Variants in INTS8 observed in about 807,000 individuals in gnomAD.
The protein encoded by INTS8 is protein kaonashi-1.
INTS8 carries 47 observed loss-of-function variants against 138.9 expected under a neutral mutation model. That is an observed-to-expected ratio of 0.34 (90% confidence interval 0.27 to 0.43). The LOEUF (loss-of-function observed/expected upper bound fraction) is 0.43, where lower values mean the gene tolerates loss of function less well. INTS8 is among the 20% of genes least tolerant of loss of function. The pLI is 1.00. For synonymous variants in INTS8, 392 were observed against 400.9 expected (o/e 0.98, Z 0.27); for missense variants, 996 against 1,173.0 (o/e 0.85, Z 2.20).
intron 25 of INTS8, 55 bp from the exon 26 acceptor site, chr8:94,876,391 A>AT: frequency 7.2e-7 from 1 of 1,388,318 alleles, no homozygotes; most frequent in South Asian, 1.2e-5. Context: ...ATGAGTTGAG[A>AT]TTCTCTCATT....
Position 94,850,730 on chromosome 8 carries a change from C to T in INTS8, c.1507+639C>T, listed in dbSNP as rs147690040. 9.9e-4 allele frequency among the ~76,000 whole-genome samples: 151 copies of T among 151,800 alleles called. 1 individual carries two copies. The highest frequency in any genetic ancestry group is 3.5e-3 in the African/African-American group (145 of 41,390). ...AGAGGAGTGGTGAGAAATGCTGGGA[C>T]CAAAAAGAGGACAGATTTTCGTGCA... is the stretch of plus-strand genomic sequence containing the variant. On this transcript the variant is annotated intron_variant, in intron 12 of 26. Coordinates refer to ENST00000523731, the MANE Select transcript of INTS8 (RefSeq NM_017864.4).
chr8:94,867,513 G>A, intron 20 of INTS8, 176 bp downstream of exon 20: 1 of 512,308 alleles, frequency 2.0e-6, no homozygotes. Context: ...TGTGGATAAG[G>A]CATAACCCTT....
chr8:94,862,087 T>C (rs1485872006), intron 16 of INTS8, among the ~76,000 whole-genome samples: 1 of 151,830 alleles, frequency 6.6e-6, no homozygotes, highest in Admixed American at 6.6e-5. Flanking sequence ...ATTACAGGCA[T>C]GCACCACCAC....
intron 1 of INTS8, among the ~76,000 whole-genome samples, chr8:94,824,485 C>G (rs1351038548): frequency 6.6e-6 from 1 of 152,114 alleles, no homozygotes; most frequent in African/African-American, 2.4e-5. Flanking sequence ...GAAGCAGGTA[C>G]GGAGAGGTCA....
At chr8:94,828,730 C>T (rs112638308) in intron 4 of INTS8, among the ~76,000 whole-genome samples, 97 of 152,256 alleles carry the variant, frequency 6.4e-4, no homozygotes, top group African/African-American at 2.1e-3. Context: ...GCTGCCACTG[C>T]ACTCCAATCT....
At chr8:94,865,201 T>G (rs545054882) in intron 16 of INTS8, among the ~76,000 whole-genome samples, 4 of 150,920 alleles carry the variant, frequency 2.7e-5, no homozygotes, top group Non-Finnish European at 5.9e-5. Context: ...TAGCAACTCG[T>G]TTTTTTTTCC....
At chr8:94,844,108 G>A (rs1406299730) in intron 10 of INTS8, among the ~76,000 whole-genome samples, 2 of 150,718 alleles carry the variant, frequency 1.3e-5, no homozygotes, top group Admixed American at 6.6e-5. Context: ...GCGTGATCTC[G>A]GCTCACTGCA....
intron 16 of INTS8, among the ~76,000 whole-genome samples, chr8:94,860,930 T>G (rs1331943958): frequency 2.0e-5 from 3 of 150,030 alleles, no homozygotes; most frequent in East Asian, 2.0e-4. Flanking sequence ...AGTGGCGGGC[T>G]CCTGTAGTCC....
In INTS8 at chr8:94,881,090, T is replaced by C. The variant is rs1468508034; in HGVS notation, c.*856T>C. On this transcript the variant is annotated 3_prime_UTR_variant, in exon 27 of 27. Transcript: ENST00000523731. ...ACCATTTGTAGAAATTCAAGTTTTA[T>C]AATAGCTTGCTATAGCAGCTATAGA... 1 of 397,324 alleles carries C rather than the reference T, an allele frequency of 2.5e-6. No homozygotes were observed. The highest frequency in any genetic ancestry group is 4.4e-6 in the Non-Finnish European group (1 of 225,372). 24.6% of individuals were successfully genotyped at this position (397,324 alleles called of 1,614,324 possible).
Position 94,842,435 on chromosome 8 carries a change from T to C in INTS8, c.1207T>C (p.Phe403Leu). 6.2e-7 allele frequency: 1 copy of C among 1,605,336 alleles called. No homozygotes were observed. The change falls in exon 10 of 27, where the codon TTT (phenylalanine) becomes CTT (leucine). Residue 403 changes from phenylalanine (F) to leucine (L), a missense_variant. Phe to Leu is a conservative substitution (Grantham distance 22). Coordinates refer to ENST00000523731, the MANE Select transcript of INTS8 (RefSeq NM_017864.4). The stretch of plus-strand genomic sequence containing the variant: ...GGAAGGCAGAACAATTAGTGTTCAA[T>C]TTAACCAGCTATTTCTTAGACCAAA... ...ILEGRTISVQ[F>L]NQLFLRPNKE...
intron 16 of INTS8, among the ~76,000 whole-genome samples, chr8:94,862,409 C>T (rs1586514016): frequency 6.6e-6 from 1 of 152,338 alleles, no homozygotes; most frequent in African/African-American, 2.4e-5. Flanking sequence ...CATAGCTTGT[C>T]ACTGAGTGCA....
chr8:94,845,007 G>A (rs1815281652), intron 10 of INTS8, among the ~76,000 whole-genome samples: 1 of 151,998 alleles, frequency 6.6e-6, no homozygotes, highest in African/African-American at 2.4e-5. Context: ...ACTCACCTTG[G>A]CTTCCCAAAG....
In INTS8 at chr8:94,848,013, C is replaced by CTTTTTTTTTTTTTTTT. The variant is rs58388097; in HGVS notation, c.1261-1436_1261-1435insTTTTTTTTTTTTTTTT. On this transcript the variant is annotated intron_variant, in intron 10 of 26. Transcript: ENST00000523731. The stretch of plus-strand genomic sequence containing the variant: ...TGAACATAGCACTTTTAAAACACTG[C>CTTTTTTTTTTTTTTTT]TTTTTTTTTTTTTGAGATGGAGTCT... Among the ~76,000 whole-genome samples, 693 of 129,790 alleles carry CTTTTTTTTTTTTTTTT rather than the reference C, an allele frequency of 5.3e-3. 60 individuals carry two copies. Among genetic ancestry groups the CTTTTTTTTTTTTTTTT allele is most frequent in the African/African-American group, 0.017 (593 of 34,414 alleles). The allele number at this position is 129,790 out of a possible 152,430, so 85.1% of individuals were successfully genotyped here. A position where few individuals can be genotyped will look rare whatever the true frequency, so the allele number is the denominator to read the frequency against.
intron 8 of INTS8, among the ~76,000 whole-genome samples, chr8:94,839,908 A>G (rs1299572783): frequency 1.3e-5 from 2 of 152,112 alleles, no homozygotes; most frequent in Non-Finnish European, 2.9e-5. Context: ...AAACAAAAAA[A>G]CCCAAAAAAC....
intron 8 of INTS8, among the ~76,000 whole-genome samples, chr8:94,839,255 A>G (rs546438430): frequency 2.0e-5 from 3 of 152,254 alleles, no homozygotes; most frequent in African/African-American, 7.2e-5. Flanking sequence ...TGAGACTTTT[A>G]TTGTGCGCGC....
chr8:94,826,876 C>T (rs1814527120), intron 2 of INTS8, among the ~76,000 whole-genome samples: 1 of 152,156 alleles, frequency 6.6e-6, no homozygotes. Context: ...GAGGCTGAGG[C>T]AGGCAGATCA....
chr8:94,867,185 C>T lies in INTS8; in HGVS notation c.2341C>T (p.His781Tyr). ...TIILSLFVKL[H>Y]NVREDIVNDI... ...TATTTTATCACTCTTTGTGAAACTT[C>T]ACAATGTTCGGGTAAGTATTTCATA... Residue 781 changes from histidine (H) to tyrosine (Y), a missense_variant, in exon 19 of 27, where the codon CAC becomes TAC. By Grantham distance (83) the His-to-Tyr change is moderately conservative. Transcript: ENST00000523731. 1.2e-6 allele frequency: 2 copies of T among 1,610,214 alleles called. No homozygotes were observed. Among genetic ancestry groups the T allele is most frequent in the Non-Finnish European group, 1.7e-6 (2 of 1,178,002 alleles).
rs1422759620 is a variant in INTS8, at chr8:94,880,486, C to T, written c.*252C>T. On this transcript the variant is annotated 3_prime_UTR_variant, in exon 27 of 27. Coordinates refer to ENST00000523731, the MANE Select transcript of INTS8 (RefSeq NM_017864.4). ...CAAAATAAACTAGCAATCTAGTTTT[C>T]TAATCTACTTTATGAGGCTGGATTT... 1 of 312,462 alleles carries T rather than the reference C, an allele frequency of 3.2e-6. No homozygotes were observed. Among genetic ancestry groups the T allele is most frequent in the Non-Finnish European group, 5.7e-6 (1 of 174,274 alleles). The allele number at this position is 312,462 out of a possible 1,614,324, so 19.4% of individuals were successfully genotyped here. A position where few individuals can be genotyped will look rare whatever the true frequency, so the allele number is the denominator to read the frequency against.
chr8:94,836,703 T>G, intron 7 of INTS8, 72 bp downstream of exon 7: 1 of 890,268 alleles, frequency 1.1e-6, no homozygotes. Flanking sequence ...GGCTTTGATT[T>G]TTCTGATGAT....
Sources: allele counts gnomAD v4.1 joint callset (sites outside exome capture counted in the v4.1 genomes callset), GRCh38; gene constraint gnomAD v4.1.1; transcripts MANE v1.5; gene names NCBI Gene and HGNC (gene_info 2026-07-23, HGNC 2026-07-21).